PCDHGA6: variants seen among roughly 807,000 people sequenced by gnomAD.
The protein encoded by PCDHGA6 is protocadherin gamma subfamily A, 6.
Under a neutral mutation model 60.6 loss-of-function variants are expected in PCDHGA6, and 41 were observed. The ratio of observed to expected loss-of-function variants is 0.68; its 90% CI spans 0.53 to 0.88. The LOEUF (loss-of-function observed/expected upper bound fraction) is 0.88. PCDHGA6 is among the 40% of genes least tolerant of loss of function. PCDHGA6 has a pLI of 0.00. For missense variants in PCDHGA6, 1,312 were observed against 1,203.0 expected (o/e 1.09, Z -1.34); for synonymous variants, 594 against 524.4 (o/e 1.13, Z -1.81).
chr5:141,426,794 G>C (rs1319220934), intron 1 of PCDHGA6: 1 of 456,708 alleles, frequency 2.2e-6, no homozygotes, highest in East Asian at 6.9e-5. Flanking sequence ...AGAGTTACCA[G>C]CTCAGTTCTA....
intron 1 of PCDHGA6, chr5:141,378,927 G>C (rs2150134897): frequency 6.6e-6 from 1 of 152,318 alleles, no homozygotes; most frequent in Admixed American, 6.5e-5. Context: ...AAAGTAAGTT[G>C]ATGGCCCTGG....
chr5:141,393,356 C>G (rs1174239790), intron 1 of PCDHGA6: 3 of 1,613,978 alleles, frequency 1.9e-6, no homozygotes, highest in East Asian at 2.2e-5. Context: ...TCTCCCTGGA[C>G]GTGCAGACTG....
chr5:141,421,537 T>C (rs11167744), intron 1 of PCDHGA6: 139,246 of 1,613,908 alleles, frequency 0.086, 6,702 homozygotes, highest in East Asian at 0.14. Context: ...GTCCTCCTGT[T>C]TTTTAAATAT....
At position 141,512,114 on chromosome 5, in the gene PCDHGA6, C is replaced by T. The variant is rs2099884080; in HGVS notation, c.*941C>T. ...TAACTAGGCTGGACCCTTCCCACTA[C>T]ATAATAGGGCTCAGCCCAGGCAGCC... On this transcript the variant is annotated 3_prime_UTR_variant, in exon 4 of 4. Coordinates refer to ENST00000517434, the MANE Select transcript of PCDHGA6 (RefSeq NM_018919.3). 2 of 152,696 alleles carry T rather than the reference C, an allele frequency of 1.3e-5. No homozygotes were observed. Among genetic ancestry groups the T allele is most frequent in the African/African-American group, 4.8e-5 (2 of 41,468 alleles). 9.5% of individuals were successfully genotyped at this position (152,696 alleles called of 1,614,324 possible).
chr5:141,415,044 G>T, intron 1 of PCDHGA6: 2 of 1,613,506 alleles, frequency 1.2e-6, no homozygotes, highest in East Asian at 2.2e-5. Flanking sequence ...TCTTCGCGGT[G>T]GGGGAGCACA....
At position 141,490,356 on chromosome 5, in the gene PCDHGA6, T is replaced by C. The variant is rs771968534; in HGVS notation, c.2425-4451T>C. ...CAGTGGGCACAGTAGTGGGGTTGTT[T>C]AATGTGCGAGACCGGGACTCAGGTA... On this transcript the variant is annotated intron_variant, in intron 1 of 3. Coordinates refer to ENST00000517434, the MANE Select transcript of PCDHGA6 (RefSeq NM_018919.3). The surrounding 1 kb of genome is among the most constrained non-coding windows in gnomAD (Gnocchi z 5.4). 1.4e-5 allele frequency: 23 copies of C among 1,614,084 alleles called. No individual in the cohort carries two copies. Among genetic ancestry groups the C allele is most frequent in the Non-Finnish European group, 1.9e-5 (22 of 1,180,038 alleles).
At chr5:141,420,699 C>T (rs2096518531) in intron 1 of PCDHGA6, among the ~76,000 whole-genome samples, 1 of 152,236 alleles carries the variant, frequency 6.6e-6, no homozygotes, top group African/African-American at 2.4e-5. Context: ...ATTATTTCCA[C>T]TTCCAGAAAT....
At position 141,413,788 on chromosome 5, in the gene PCDHGA6, G is replaced by A. The variant is rs2095678300; in HGVS notation, c.2424+37281G>A. The A allele has an allele frequency of 2.1e-5, 34 of 1,613,166 alleles. No individual in the cohort carries two copies. Among genetic ancestry groups the A allele is most frequent in the Non-Finnish European group, 2.8e-5 (33 of 1,179,876 alleles). ...GGAGCTGGTACTGGAGCACTCCCTA[G>A]ATCGCGAGGAAGAGGCCATTCACCA... is the stretch of plus-strand genomic sequence containing the variant. On this transcript the variant is annotated intron_variant, in intron 1 of 3. Coordinates refer to ENST00000517434, the MANE Select transcript of PCDHGA6 (RefSeq NM_018919.3).
At chr5:141,394,800 G>A in intron 1 of PCDHGA6, 1 of 1,613,850 alleles carries the variant, frequency 6.2e-7, no homozygotes, top group East Asian at 2.2e-5. Context: ...GCTCACCGTA[G>A]CCGTGGCTGA....
Position 141,376,380 on chromosome 5 carries a change from G to C in PCDHGA6, c.2297G>C (p.Ser766Thr). ...TCACTCACTGCAGACTCGCGTAAGA[G>C]TCATCTGATTTTCCCCCAGCCCAAC... ...EVSLTADSRK[S>T]HLIFPQPNYA... Residue 766 changes from serine (S) to threonine (T), a missense_variant, in exon 1 of 4, where the codon AGT (serine) becomes ACT (threonine). By Grantham distance (58) the Ser-to-Thr change is moderately conservative. Coordinates refer to ENST00000517434, the MANE Select transcript of PCDHGA6 (RefSeq NM_018919.3). 2.5e-6 allele frequency: 4 copies of C among 1,614,214 alleles called. No homozygotes were observed. Among genetic ancestry groups the C allele is most frequent in the Non-Finnish European group, 3.4e-6 (4 of 1,180,048 alleles).
At chr5:141,470,736 C>A (rs541510544) in intron 1 of PCDHGA6, among the ~76,000 whole-genome samples, 1 of 152,092 alleles carries the variant, frequency 6.6e-6, no homozygotes, top group Non-Finnish European at 1.5e-5. Context: ...CTTGCTCTGT[C>A]GCCCTGGCTG....
rs1770865404 is a variant in PCDHGA6 at position 141,374,823 on chromosome 5, A to G, written c.740A>G (p.Tyr247Cys). The G allele has an allele frequency of 1.2e-6, 2 of 1,613,952 alleles. No homozygotes were observed. Among genetic ancestry groups the G allele is most frequent in the African/African-American group, 1.3e-5 (1 of 75,074 alleles). The change falls in exon 1 of 4, where the codon TAC becomes TGC. Residue 247 changes from tyrosine to cysteine, a missense_variant. Transcript: ENST00000517434. ...DNTPMFTQPV[Y>C]RVSVPENLPV... ...ACTCCAATGTTTACTCAGCCTGTCT[A>G]CCGTGTAAGTGTTCCTGAAAACCTG...
intron 1 of PCDHGA6, chr5:141,392,008 T>C (rs144906227): frequency 1.3e-5 from 2 of 152,186 alleles, no homozygotes; most frequent in Non-Finnish European, 2.9e-5. Flanking sequence ...ACTGCAATGG[T>C]AAAAGCATTT....
At chr5:141,419,449 C>T (rs780917543) in intron 1 of PCDHGA6, 5 of 1,612,958 alleles carry the variant, frequency 3.1e-6, no homozygotes, top group Non-Finnish European at 4.2e-6. Context: ...CCTTCGAGCT[C>T]ACGCTGCAGG....
rs549829392 is a variant in PCDHGA6 at position 141,403,606 on chromosome 5, C to T, written c.2424+27099C>T. The T allele has an allele frequency of 3.1e-5, 50 of 1,613,710 alleles. No homozygotes were observed. The East Asian group carries it at 8.5e-4, about 27-fold the overall frequency. Reference sequence around the variant, plus strand: ...TGGTCCTCACGGCCTCGGATGGCGGCGAGCCGCGTCGCTCCAGCACAGTGC... The same window carrying T: ...TGGTCCTCACGGCCTCGGATGGCGGTGAGCCGCGTCGCTCCAGCACAGTGC... On this transcript the variant is annotated intron_variant, in intron 1 of 3. Coordinates refer to ENST00000517434, the MANE Select transcript of PCDHGA6 (RefSeq NM_018919.3).
chr5:141,400,650 C>T, intron 1 of PCDHGA6: 13 of 1,174,166 alleles, frequency 1.1e-5, no homozygotes, highest in Non-Finnish European at 1.6e-5. Context: ...AGAAAGCTGT[C>T]CTACCATTCT....
intron 1 of PCDHGA6, chr5:141,415,423 G>A: frequency 1.2e-6 from 2 of 1,614,204 alleles, no homozygotes; most frequent in Non-Finnish European, 1.7e-6. Context: ...CGTGGACGGG[G>A]TTCGGGCTTT....
At position 141,409,164 on chromosome 5, in the gene PCDHGA6, C is replaced by T. The variant is rs115772303; in HGVS notation, c.2424+32657C>T. ...GAAAGGTACACCATGGAAGTGGAAG[C>T]GAAGGACGGAGGTGGTCTCTCTACC... On this transcript the variant is annotated intron_variant, in intron 1 of 3. Transcript: ENST00000517434. 2.0e-3 allele frequency: 3,227 copies of T among 1,613,908 alleles called. 51 individuals are homozygous for T. In the African/African-American group the frequency reaches 0.029, roughly 14 times the overall value.
intron 1 of PCDHGA6, chr5:141,404,513 G>A: frequency 1.2e-6 from 2 of 1,613,786 alleles, no homozygotes; most frequent in Non-Finnish European, 1.7e-6. Context: ...GTGCTCCTTT[G>A]ACTATGAGCA....
Sources: gnomAD v4.1 joint callset for allele counts (sites outside exome capture counted in the v4.1 genomes callset) on GRCh38, gnomAD v4.1.1 for gene constraint, Gnocchi (gnomAD v3.1) non-coding constraint, MANE v1.5 for transcripts, NCBI Gene and HGNC (gene_info 2026-07-23, HGNC 2026-07-21) for gene names.